The following MRPS18A variants were observed in gnomAD, a reference collection of about 807,000 sequenced individuals.
MRPS18A encodes the protein mitochondrial ribosomal protein S18A.
Under a neutral mutation model 22.7 loss-of-function variants are expected in MRPS18A, and 20 were observed. The ratio of observed to expected loss-of-function variants is 0.88; its 90% CI spans 0.62 to 1.28. The LOEUF (loss-of-function observed/expected upper bound fraction) is 1.28, where lower values mean the gene tolerates loss of function less well. Ranked by LOEUF, MRPS18A falls within the 50% of genes most tolerant of loss-of-function variation. The pLI, the probability that MRPS18A is intolerant of heterozygous loss-of-function variation, is 0.00. For missense variants in MRPS18A, 294 were observed against 262.6 expected, an observed-to-expected ratio of 1.12 and a Z score of -0.83; for synonymous variants, 106 against 99.1, an observed-to-expected ratio of 1.07 and a Z score of -0.41.
chr6:43,678,186 C>A (rs186444611), intron 3 of MRPS18A, among the ~76,000 whole-genome samples: 1 of 152,114 alleles, frequency 6.6e-6, no homozygotes, highest in African/African-American at 2.4e-5. Flanking sequence ...GGCCCCACCC[C>A]CCGAGGCTGA....
At position 43,671,670 on chromosome 6, in the gene MRPS18A, G is replaced by C. The variant is rs1773702428; in HGVS notation, c.*92C>G. ...GGGACCAGGCCATCGTGGTGGGGTG[G>C]GACAGGAGTATAGTTGTGGCCAAGG... On this transcript the variant is annotated 3_prime_UTR_variant, in exon 6 of 6. Transcript: ENST00000372133. The C allele has an allele frequency of 5.4e-6, 8 of 1,474,912 alleles. No homozygotes were observed. Among genetic ancestry groups the C allele is most frequent in the Non-Finnish European group, 7.5e-6 (8 of 1,061,376 alleles). The allele number at this position is 1,474,912 out of a possible 1,614,324, so 91.4% of individuals were successfully genotyped here.
rs550557537 is a variant in MRPS18A, at chr6:43,675,672, G to A, written c.253-55C>T. The A allele has an allele frequency of 9.4e-5, 146 of 1,549,896 alleles. 1 individual carries two copies. The Admixed American group carries it at 1.6e-3, about 17-fold the overall frequency. On this transcript the variant is annotated intron_variant, in intron 3 of 5. Coordinates refer to ENST00000372133, the MANE Select transcript of MRPS18A (RefSeq NM_018135.4). ...GTCAGCTGGGCTTGCTTTTGATGCC[G>A]GGAAGCTAGGGCTTCATGGTCTACA...
intron 5 of MRPS18A, chr6:43,672,462 G>T (rs1161702984): frequency 4.3e-6 from 2 of 469,818 alleles, no homozygotes; most frequent in Admixed American, 4.7e-5. Flanking sequence ...TAGGAGGGGG[G>T]TGGGGAAAGA....
chr6:43,685,976 T>A (rs928525378), intron 1 of MRPS18A, among the ~76,000 whole-genome samples: 2 of 152,162 alleles, frequency 1.3e-5, no homozygotes, highest in Non-Finnish European at 1.5e-5. Context: ...CCTTTTTTAC[T>A]TTTTTTAAAG....
chr6:43,683,521 A>G (rs79653438), intron 1 of MRPS18A, among the ~76,000 whole-genome samples: 1,570 of 152,306 alleles, frequency 0.01, 25 homozygotes, highest in African/African-American at 0.034. Context: ...CTGCCTCCCT[A>G]TTCAAGAGAA....
intron 4 of MRPS18A, 85 bp downstream of exon 4, chr6:43,675,409 C>T: frequency 6.2e-7 from 1 of 1,609,832 alleles, no homozygotes. Flanking sequence ...CACTTTTCTT[C>T]CAGGAGGGGC....
intron 3 of MRPS18A, 133 bp from the exon 4 acceptor site, chr6:43,675,750 A>G: frequency 9.6e-7 from 1 of 1,044,238 alleles, no homozygotes; most frequent in Non-Finnish European, 1.4e-6. Context: ...CTCCACACAG[A>G]GCTTTGCACA....
In MRPS18A at chr6:43,675,742, C is replaced by T. The variant is rs932229795; in HGVS notation, c.253-125G>A. On this transcript the variant is annotated intron_variant, in intron 3 of 5. Transcript: ENST00000372133. ...GGGAACCTAGCTGAGATCACTTCCT[C>T]CACACAGAGCTTTGCACATGGGTCT... 1.1e-5 allele frequency: 13 copies of T among 1,141,828 alleles called. No homozygotes were observed. In the African/African-American group the frequency reaches 1.6e-4, roughly 14 times the overall value. 70.7% of individuals were successfully genotyped at this position (1,141,828 alleles called of 1,614,324 possible).
intron 3 of MRPS18A, 90 bp from the exon 4 acceptor site, chr6:43,675,707 G>C: frequency 6.9e-7 from 1 of 1,445,476 alleles, no homozygotes; most frequent in Non-Finnish European, 9.3e-7. Context: ...AGGGGAGGCT[G>C]ATATCTCCTG....
Position 43,674,697 on chromosome 6 carries a change from T to C in MRPS18A, c.446+505A>G, listed in dbSNP as rs553256893. Among the ~76,000 whole-genome samples the C allele has an allele frequency of 7.2e-5, 11 of 152,318 alleles. No homozygotes were observed. The East Asian group carries it at 2.1e-3, about 29-fold the overall frequency. On this transcript the variant is annotated intron_variant, in intron 5 of 5. Transcript: ENST00000372133. ...TTCTCTGTATGAACTCTGGGCCTCCTAGGCTGCCACATGGCGCTGTGTAGG... is the reference window on the plus strand; with the variant it reads ...TTCTCTGTATGAACTCTGGGCCTCCCAGGCTGCCACATGGCGCTGTGTAGG...
intron 1 of MRPS18A, among the ~76,000 whole-genome samples, chr6:43,685,464 A>T (rs1209950827): frequency 2.0e-5 from 3 of 151,908 alleles, no homozygotes; most frequent in Non-Finnish European, 4.4e-5. Flanking sequence ...CCTCGCCTCT[A>T]CCCCCCAGAT....
At chr6:43,677,322 A>G (rs1397050145) in intron 3 of MRPS18A, among the ~76,000 whole-genome samples, 3 of 152,146 alleles carry the variant, frequency 2.0e-5, no homozygotes, top group Non-Finnish European at 4.4e-5. Flanking sequence ...GGTGGCCTCA[A>G]GCCAAGGCTT....
At chr6:43,684,827 A>G (rs1477997459) in intron 1 of MRPS18A, among the ~76,000 whole-genome samples, 1 of 152,182 alleles carries the variant, frequency 6.6e-6, no homozygotes, top group African/African-American at 2.4e-5. Flanking sequence ...TAAGTGTCTG[A>G]CAAATCATGT....
intron 1 of MRPS18A, among the ~76,000 whole-genome samples, chr6:43,684,554 C>T (rs1774587442): frequency 6.6e-6 from 1 of 152,186 alleles, no homozygotes; most frequent in Admixed American, 6.5e-5. Flanking sequence ...GAGGGAATGT[C>T]CCTCTGCCCT....
chr6:43,672,986 C>CT (rs530348186), intron 5 of MRPS18A, among the ~76,000 whole-genome samples: 3,316 of 127,148 alleles, frequency 0.026, 70 homozygotes, highest in South Asian at 0.033. Flanking sequence ...ATAGGGACTG[C>CT]TTTTTTTTTT....
chr6:43,677,874 TC>T (rs1263698609), intron 3 of MRPS18A, among the ~76,000 whole-genome samples: 3 of 152,106 alleles, frequency 2.0e-5, no homozygotes, highest in Admixed American at 2.0e-4. Context: ...CTGTCTTTTT[TC>T]CCTGGAAACG....
chr6:43,686,480 A>G (rs944241102), intron 1 of MRPS18A, among the ~76,000 whole-genome samples: 3 of 152,324 alleles, frequency 2.0e-5, no homozygotes, highest in Non-Finnish European at 2.9e-5. Context: ...TTCTTCAAAC[A>G]TACTTACTAT....
intron 1 of MRPS18A, among the ~76,000 whole-genome samples, chr6:43,683,073 T>C (rs1244582914): frequency 1.3e-5 from 2 of 152,116 alleles, no homozygotes; most frequent in African/African-American, 4.8e-5. Context: ...GTCCTAACCA[T>C]GAGGTAAACA....
chr6:43,680,329 C>A (rs561248056), intron 2 of MRPS18A, among the ~76,000 whole-genome samples: 1 of 152,106 alleles, frequency 6.6e-6, no homozygotes, highest in Admixed American at 6.5e-5. Context: ...ATGGACTTGT[C>A]CTGGGAATAA....
Sources: allele counts gnomAD v4.1 joint callset (sites outside exome capture counted in the v4.1 genomes callset), GRCh38; gene constraint gnomAD v4.1.1; transcripts MANE v1.5; gene names NCBI Gene and HGNC (gene_info 2026-07-23, HGNC 2026-07-21).